Variants in PGAP1 observed in about 807,000 individuals in gnomAD.
PGAP1 encodes GPI inositol-deacylase.
PGAP1 carries 76 observed loss-of-function variants against 127.0 expected under a neutral mutation model. That is an observed-to-expected ratio of 0.60 (90% CI 0.50 to 0.72). The LOEUF is 0.72. Among genes scored for constraint, PGAP1 ranks in the 30% least tolerant of loss-of-function variants. PGAP1 has a pLI of 0.00. For missense variants in PGAP1, 982 were observed against 1,071.3 expected, an observed-to-expected ratio of 0.92 and a Z score of 1.16; for synonymous variants, 362 against 366.5, an observed-to-expected ratio of 0.99 and a Z score of 0.14.
chr2:196,866,763 A>G (rs1298385981), intron 19 of PGAP1, among the ~76,000 whole-genome samples: 2 of 152,188 alleles, frequency 1.3e-5, no homozygotes, highest in African/African-American at 2.4e-5. Flanking sequence ...AAGAACTTAA[A>G]CAAATTCACA....
At chr2:196,869,023 T>C (rs943616387) in intron 19 of PGAP1, among the ~76,000 whole-genome samples, 2 of 152,296 alleles carry the variant, frequency 1.3e-5, no homozygotes, top group East Asian at 3.9e-4. Context: ...GCTTCAATAA[T>C]ATAAATTCTT....
rs142041934 is a variant in PGAP1 at position 196,841,326 on chromosome 2, C to T, written c.2677G>A (p.Gly893Ser). 6.2e-7 allele frequency: 1 copy of T among 1,613,688 alleles called. No homozygotes were observed. The highest frequency in any genetic ancestry group is 1.7e-5 in the Admixed American group (1 of 59,994). Residue 893 changes from glycine to serine, a missense_variant, in exon 27 of 27, where the codon GGT becomes AGT. Gly to Ser is a moderately conservative substitution (Grantham distance 56). Coordinates refer to ENST00000354764, the MANE Select transcript of PGAP1 (RefSeq NM_024989.4). The stretch of plus-strand genomic sequence containing the variant: ...TGTGCTGACCCAAAAGCAATCACAC[C>T]AACAGCCAGAGGAAGTGGAAATTGT... ...TSQFPLPLAV[G>S]VIAFGSAHLY...
Position 196,841,077 on chromosome 2 carries a change from C to T in PGAP1, c.*157G>A. 1 of 893,124 alleles carries T rather than the reference C, an allele frequency of 1.1e-6. No homozygotes were observed. Among genetic ancestry groups the T allele is most frequent in the Non-Finnish European group, 1.7e-6 (1 of 596,822 alleles). The allele number at this position is 893,124 out of a possible 1,614,324, so 55.3% of individuals were successfully genotyped here. A position where few individuals can be genotyped will look rare whatever the true frequency, so the allele number is the denominator to read the frequency against. On this transcript the variant is annotated 3_prime_UTR_variant, in exon 27 of 27. Coordinates refer to ENST00000354764, the MANE Select transcript of PGAP1 (RefSeq NM_024989.4). ...ACAAAACCATGCTTCAACTACTTCCCTCAAACATTACAAAACTAATTTCCT... is the reference window on the plus strand; with the variant it reads ...ACAAAACCATGCTTCAACTACTTCCTTCAAACATTACAAAACTAATTTCCT...
Position 196,835,812 on chromosome 2 carries a change from T to G in PGAP1, c.*5422A>C, listed in dbSNP as rs1263116063. ...GCTAAAGAGAATTCAAATGTGTCTC[T>G]TTTTTTTGCTAAAAAAGGGATGTAA... On this transcript the variant is annotated 3_prime_UTR_variant, in exon 27 of 27. Transcript: ENST00000354764. The G allele has an allele frequency of 6.6e-6, 1 of 151,990 alleles. No individual in the cohort carries two copies. Among genetic ancestry groups the G allele is most frequent in the African/African-American group, 2.4e-5 (1 of 41,322 alleles). 9.4% of individuals were successfully genotyped at this position (151,990 alleles called of 1,614,324 possible). A position where few individuals can be genotyped will look rare whatever the true frequency, so the allele number is the denominator to read the frequency against.
chr2:196,847,441 G>T, intron 21 of PGAP1: 3 of 249,810 alleles, frequency 1.2e-5, no homozygotes, highest in East Asian at 7.3e-5. Context: ...ATTGATACTA[G>T]TAGAAAGTAA....
intron 13 of PGAP1, among the ~76,000 whole-genome samples, chr2:196,878,771 T>C (rs984303461): frequency 3.9e-5 from 6 of 152,208 alleles, no homozygotes; most frequent in East Asian, 1.9e-4. Flanking sequence ...TTCAAACCCA[T>C]TGTGGCCATC....
intron 12 of PGAP1, among the ~76,000 whole-genome samples, chr2:196,882,023 G>T (rs1202056987): frequency 6.6e-6 from 1 of 152,078 alleles, no homozygotes; most frequent in Admixed American, 6.5e-5. Flanking sequence ...GTTAATTTTT[G>T]TATATGGTGT....
chr2:196,868,043 T>A (rs574215084), intron 19 of PGAP1, among the ~76,000 whole-genome samples: 4 of 152,310 alleles, frequency 2.6e-5, no homozygotes, highest in African/African-American at 9.6e-5. Context: ...GACTCCTGGA[T>A]TTAGATTCCA....
chr2:196,874,462 A>T (rs1041526072), intron 14 of PGAP1, among the ~76,000 whole-genome samples: 4 of 152,202 alleles, frequency 2.6e-5, no homozygotes, highest in African/African-American at 9.6e-5. Flanking sequence ...TGCTAAAAAT[A>T]GTGGGTTATT....
chr2:196,916,738 A>G (rs1703022532), intron 2 of PGAP1, 145 bp from the exon 3 acceptor site: 1 of 714,928 alleles, frequency 1.4e-6, no homozygotes, highest in African/African-American at 1.8e-5. Context: ...AATAGCACCA[A>G]TTTAGAACAA....
At chr2:196,896,104 G>A (rs938626993) in intron 7 of PGAP1, among the ~76,000 whole-genome samples, 1 of 152,156 alleles carries the variant, frequency 6.6e-6, no homozygotes, top group African/African-American at 2.4e-5. Context: ...CCATTTATCT[G>A]CTAGCAGACA....
Position 196,844,094 on chromosome 2 carries a change from G to A in PGAP1, c.2338-19C>T, listed in dbSNP as rs186913615. The stretch of plus-strand genomic sequence containing the variant: ...TGGGATTCTATAAAACAATAAAGTA[G>A]AAATATCAAGACACTAAACAAAAGT... On this transcript the variant is annotated intron_variant, in intron 24 of 26. Transcript: ENST00000354764. 159 of 1,426,706 alleles carry A rather than the reference G, an allele frequency of 1.1e-4. No individual in the cohort carries two copies. The East Asian group carries it at 3.5e-3, about 31-fold the overall frequency. The allele number at this position is 1,426,706 out of a possible 1,614,324, so 88.4% of individuals were successfully genotyped here. A position where few individuals can be genotyped will look rare whatever the true frequency, so the allele number is the denominator to read the frequency against.
intron 1 of PGAP1, among the ~76,000 whole-genome samples, chr2:196,923,200 C>T (rs1703262982): frequency 6.6e-6 from 1 of 151,968 alleles, no homozygotes; most frequent in Non-Finnish European, 1.5e-5. Flanking sequence ...ATATGTTTAT[C>T]GATTATTTTT....
chr2:196,925,691 G>A (rs1465486581), intron 1 of PGAP1, among the ~76,000 whole-genome samples: 1 of 152,120 alleles, frequency 6.6e-6, no homozygotes, highest in African/African-American at 2.4e-5. Flanking sequence ...CGAACCCAGC[G>A]AGAAAACAAA....
At chr2:196,891,494 C>T (rs1325699432) in intron 9 of PGAP1, among the ~76,000 whole-genome samples, 1 of 151,986 alleles carries the variant, frequency 6.6e-6, no homozygotes, top group African/African-American at 2.4e-5. Context: ...TATCAACAGA[C>T]TGAAAGAAAA....
At chr2:196,900,393 G>T (rs1702447123) in intron 5 of PGAP1, among the ~76,000 whole-genome samples, 1 of 152,174 alleles carries the variant, frequency 6.6e-6, no homozygotes. Context: ...TAACTTAAAA[G>T]ATTTTCCAGT....
chr2:196,850,448 T>C (rs1402756321), intron 20 of PGAP1, among the ~76,000 whole-genome samples: 2 of 152,290 alleles, frequency 1.3e-5, no homozygotes, highest in East Asian at 3.9e-4. Flanking sequence ...CTTCAGACTA[T>C]AGGAAGAAAA....
intron 20 of PGAP1, among the ~76,000 whole-genome samples, chr2:196,849,261 A>ATTTTTTTTTT (rs747641877): frequency 7.4e-6 from 1 of 135,986 alleles, no homozygotes; most frequent in African/African-American, 2.7e-5. Flanking sequence ...TGTCAGAATA[A>ATTTTTTTTTT]TTTTTTTTTT....
chr2:196,834,432 G>A lies in PGAP1; in HGVS notation c.*6802C>T, dbSNP rs1260942358. 2 of 152,374 alleles carry A rather than the reference G, an allele frequency of 1.3e-5. No individual in the cohort carries two copies. The highest frequency in any genetic ancestry group is 2.9e-5 in the Non-Finnish European group (2 of 67,878). 9.4% of individuals were successfully genotyped at this position (152,374 alleles called of 1,614,324 possible). A position where few individuals can be genotyped will look rare whatever the true frequency, so the allele number is the denominator to read the frequency against. On this transcript the variant is annotated 3_prime_UTR_variant, in exon 27 of 27. Coordinates refer to ENST00000354764, the MANE Select transcript of PGAP1 (RefSeq NM_024989.4). ...TAATAAAATGTACAGTTATAAAATT[G>A]CAGGGCACTCTTTATCATTTCAAGG...
Sources: allele counts gnomAD v4.1 joint callset (sites outside exome capture counted in the v4.1 genomes callset), GRCh38; gene constraint gnomAD v4.1.1; transcripts MANE v1.5; gene names NCBI Gene and HGNC (gene_info 2026-07-23, HGNC 2026-07-21).